Variants in MYOT observed in about 807,000 individuals in gnomAD.
The protein encoded by MYOT is myotilin.
Under a neutral mutation model 58.0 loss-of-function variants are expected in MYOT, and 36 were observed. The observed-to-expected ratio is 0.62, with a 90% confidence interval of 0.48 to 0.82. The LOEUF is 0.82. MYOT is among the 40% of genes least tolerant of loss of function. The pLI is 0.00. For synonymous variants in MYOT, 218 were observed against 204.6 expected (o/e 1.07, Z -0.56); for missense variants, 505 against 592.1 (o/e 0.85, Z 1.53).
chr5:137,887,368 G>GT lies in MYOT; in HGVS notation c.1480_1481insT (p.Glu494ValfsTer3). 1 of 1,613,946 alleles carries GT rather than the reference G, an allele frequency of 6.2e-7. No homozygotes were observed. Among genetic ancestry groups the GT allele is most frequent in the Non-Finnish European group, 8.5e-7 (1 of 1,179,912 alleles). On this transcript the variant is annotated frameshift_variant, in exon 10 of 10. Transcript: ENST00000239926. LOFTEE classifies it high-confidence loss of function. ...TTTGGCAGCTCAATCTGGACTCTAT[G>GT]AAAGTGAAGAACTTTAATAACTTTA...
intron 8 of MYOT, 137 bp downstream of exon 8, chr5:137,886,350 A>AT: frequency 2.4e-6 from 1 of 411,988 alleles, no homozygotes; most frequent in Non-Finnish European, 4.1e-6. Flanking sequence ...ATAATAAAAT[A>AT]TATATTAGAT....
intron 6 of MYOT, among the ~76,000 whole-genome samples, chr5:137,882,593 C>T (rs746325441): frequency 1.3e-5 from 2 of 152,012 alleles, no homozygotes; most frequent in South Asian, 2.1e-4. Context: ...ACTACAGACG[C>T]GTGCCACCAT....
At chr5:137,883,248 C>T in intron 6 of MYOT, 136 bp from the exon 7 acceptor site, 1 of 708,640 alleles carries the variant, frequency 1.4e-6, no homozygotes, top group South Asian at 1.6e-5. Context: ...ATTATAAATA[C>T]TTTTGAGCTC....
intron 2 of MYOT, among the ~76,000 whole-genome samples, chr5:137,873,439 C>CAT (rs2149980525): frequency 6.6e-6 from 1 of 151,692 alleles, no homozygotes; most frequent in South Asian, 2.1e-4. Flanking sequence ...GAGGCTGAGG[C>CAT]ATGAGAATCG....
intron 4 of MYOT, among the ~76,000 whole-genome samples, chr5:137,879,833 G>A (rs950207879): frequency 6.6e-6 from 1 of 151,818 alleles, no homozygotes; most frequent in Non-Finnish European, 1.5e-5. Context: ...ACTGTGCCCA[G>A]CCTGGATATT....
chr5:137,870,329 AAGG>A, intron 1 of MYOT, 109 bp from the exon 2 acceptor site: 6 of 416,376 alleles, frequency 1.4e-5, no homozygotes, highest in South Asian at 2.1e-5. Context: ...ACACACACAA[AAGG>A]AAGGAAGGAA....
At position 137,870,933 on chromosome 5, in the gene MYOT, C is replaced by G. The variant is rs773396473; in HGVS notation, c.282C>G (p.Ala94=). Residue 94 remains alanine, a synonymous_variant, in exon 2 of 10, where the codon GCC becomes GCG. Transcript: ENST00000239926. ...CAACCACCTATAACCAGTCCCCAGC[C>G]AGCTTCCTCAGCTCCATATTACCAT... ...RVTTTYNQSP[A]SFLSSILPSQ... is the part of the protein sequence containing the mutation. The G allele has an allele frequency of 6.2e-7, 1 of 1,614,260 alleles. No homozygotes were observed. Among genetic ancestry groups the G allele is most frequent in the South Asian group, 1.1e-5 (1 of 91,086 alleles).
chr5:137,886,333 G>T, intron 8 of MYOT, 120 bp downstream of exon 8: 1 of 523,500 alleles, frequency 1.9e-6, no homozygotes, highest in Middle Eastern at 5.7e-4. Flanking sequence ...AAACACTAAA[G>T]AATAATATAA....
chr5:137,877,570 T>C lies in MYOT; in HGVS notation c.582T>C (p.Asn194=). Residue 194 remains asparagine, a synonymous_variant, in exon 4 of 10, where the codon AAT becomes AAC. Coordinates refer to ENST00000239926, the MANE Select transcript of MYOT (RefSeq NM_006790.3). ...KMARRLLGPQ[N]AAAVFQAQDD... Reference sequence around the variant, plus strand: ...CTCGCAGATTGCTAGGACCACAGAATGCAGCTGCTGTGTTTCAAGCTCAGG... The same window carrying C: ...CTCGCAGATTGCTAGGACCACAGAACGCAGCTGCTGTGTTTCAAGCTCAGG... 1.2e-6 allele frequency: 2 copies of C among 1,614,040 alleles called. No homozygotes were observed. The highest frequency in any genetic ancestry group is 1.3e-5 in the African/African-American group (1 of 75,036).
At chr5:137,870,327 A>ACACACACACACAC in intron 1 of MYOT, 114 bp from the exon 2 acceptor site, 1 of 412,620 alleles carries the variant, frequency 2.4e-6, no homozygotes. Context: ...ACACACACAC[A>ACACACACACACAC]AAAGGAAGGA....
chr5:137,869,275 A>AT (rs1388756289), intron 1 of MYOT, among the ~76,000 whole-genome samples: 1 of 152,224 alleles, frequency 6.6e-6, no homozygotes, highest in Non-Finnish European at 1.5e-5. Flanking sequence ...AGGCAAATGT[A>AT]TTTTGAATCA....
intron 4 of MYOT, among the ~76,000 whole-genome samples, chr5:137,879,516 CTTTTTTTTT>C (rs34327276): frequency 2.0e-5 from 2 of 99,490 alleles, no homozygotes; most frequent in South Asian, 3.4e-4. Flanking sequence ...GATGGTTCAT[CTTTTTTTTT>C]TTTTTTTTTT....
intron 4 of MYOT, among the ~76,000 whole-genome samples, chr5:137,877,824 C>T (rs1354580702): frequency 1.3e-5 from 2 of 152,146 alleles, no homozygotes; most frequent in African/African-American, 4.8e-5. Context: ...TACCTGGATA[C>T]ACAACGTCAC....
At chr5:137,871,068 G>A (rs1755037308) in intron 2 of MYOT, 61 bp downstream of exon 2, 1 of 1,438,162 alleles carries the variant, frequency 7.0e-7, no homozygotes, top group African/African-American at 1.4e-5. Context: ...TTTGCGAGGG[G>A]GTAGGAGTTT....
In MYOT at chr5:137,887,217, T is replaced by C. The variant is rs1171716982; in HGVS notation, c.1329T>C (p.Arg443=). 6.2e-7 allele frequency: 1 copy of C among 1,614,064 alleles called. No homozygotes were observed. Among genetic ancestry groups the C allele is most frequent in the Non-Finnish European group, 8.5e-7 (1 of 1,179,974 alleles). The change falls in exon 10 of 10, where the codon CGT becomes CGC. Residue 443 remains arginine (R), a synonymous_variant. Coordinates refer to ENST00000239926, the MANE Select transcript of MYOT (RefSeq NM_006790.3). ...TCNTRLDVTA[R]PNQTLPAPKQ... is the part of the protein sequence containing the mutation. ...CTTTTATGTGATCTATTTCAGCACGTCCAAACCAAACTCTTCCAGCTCCTA... is the reference window on the plus strand; with the variant it reads ...CTTTTATGTGATCTATTTCAGCACGCCCAAACCAAACTCTTCCAGCTCCTA...
chr5:137,881,897 T>C, intron 5 of MYOT, 76 bp from the exon 6 acceptor site: 2 of 1,547,032 alleles, frequency 1.3e-6, no homozygotes, highest in South Asian at 2.3e-5. Flanking sequence ...AAAAAATTGA[T>C]GGCTAAACTA....
At chr5:137,882,149 G>A (rs1158911501) in intron 6 of MYOT, 44 bp downstream of exon 6, 1 of 1,605,496 alleles carries the variant, frequency 6.2e-7, no homozygotes, top group Admixed American at 1.7e-5. Flanking sequence ...TTAACAATGG[G>A]ATACTAAGTT....
At chr5:137,879,481 T>C in intron 4 of MYOT, among the ~76,000 whole-genome samples, 2 of 151,302 alleles carry the variant, frequency 1.3e-5, no homozygotes. Flanking sequence ...ATTAGGGGAA[T>C]TACTCAAAGC....
At chr5:137,885,918 CTGAG>C (rs1168664987) in intron 7 of MYOT, 126 bp from the exon 8 acceptor site, 2 of 564,092 alleles carry the variant, frequency 3.5e-6, no homozygotes, top group Non-Finnish European at 3.1e-6. Context: ...GTCTTTTTTA[CTGAG>C]TTTCTTTCTG....
Sources: gnomAD v4.1 joint callset for allele counts (sites outside exome capture counted in the v4.1 genomes callset) on GRCh38, gnomAD v4.1.1 for gene constraint, MANE v1.5 for transcripts, NCBI Gene and HGNC (gene_info 2026-07-23, HGNC 2026-07-21) for gene names.